Variants in RBFOX1 observed in about 807,000 individuals in gnomAD.
RBFOX1 encodes the protein RNA binding fox-1 homolog 1, also known as RNA binding protein fox-1 homolog 1.
RBFOX1 carries 8 observed loss-of-function variants against 57.7 expected under a neutral mutation model. The ratio of observed to expected loss-of-function variants is 0.14; its 90% CI spans 0.08 to 0.25. RBFOX1 has a LOEUF of 0.25. Among genes scored for constraint, RBFOX1 ranks in the 10% least tolerant of loss-of-function variants. The probability of loss-of-function intolerance (pLI) is 1.00; values close to 1 mark genes in which losing one functional copy is unlikely to be tolerated. For synonymous variants in RBFOX1, 326 were observed against 222.4 expected (o/e 1.47, Z -4.15); for missense variants, 611 against 548.5 (o/e 1.11, Z -1.14).
Position 6,019,986 on chromosome 16 carries a change from G to A in RBFOX1, c.-133G>A. 6.5e-7 allele frequency: 1 copy of A among 1,527,672 alleles called. No individual in the cohort carries two copies. Among genetic ancestry groups the A allele is most frequent in the Non-Finnish European group, 8.8e-7 (1 of 1,141,366 alleles). The allele number at this position is 1,527,672 out of a possible 1,614,324, so 94.6% of individuals were successfully genotyped here. A position where few individuals can be genotyped will look rare whatever the true frequency, so the allele number is the denominator to read the frequency against. ...GTGACCGCAGCCGGGCTCGCCGGGAGTTCTAGGTAAGTCCAGGCGGAGTCA... is the reference window on the plus strand; with the variant it reads ...GTGACCGCAGCCGGGCTCGCCGGGAATTCTAGGTAAGTCCAGGCGGAGTCA... On this transcript the variant is annotated 5_prime_UTR_variant, in exon 1 of 16. Coordinates refer to ENST00000550418, the MANE Select transcript of RBFOX1 (RefSeq NM_018723.4). The surrounding 1 kb of genome is among the most constrained non-coding windows in gnomAD (Gnocchi z 4.2).
chr16:6,979,980 C>T (rs2088239745), intron 3 of RBFOX1, among the ~76,000 whole-genome samples: 1 of 152,024 alleles, frequency 6.6e-6, no homozygotes, highest in African/African-American at 2.4e-5. Context: ...GGAGTGGGTA[C>T]CTTCTAACAC....
intron 4 of RBFOX1, among the ~76,000 whole-genome samples, chr16:7,052,303 A>G (rs958039518): frequency 1.3e-5 from 2 of 152,152 alleles, no homozygotes; most frequent in Non-Finnish European, 2.9e-5. Flanking sequence ...GTTATAGTAG[A>G]TATGGATTTT....
At chr16:7,298,350 A>G (rs1173838573) in intron 4 of RBFOX1, among the ~76,000 whole-genome samples, 1 of 140,142 alleles carries the variant, frequency 7.1e-6, no homozygotes, top group Non-Finnish European at 1.5e-5. Context: ...GTGCAGTAGC[A>G]TGATCTCAGC....
At chr16:6,497,979 T>TG (rs1182051772) in intron 2 of RBFOX1, among the ~76,000 whole-genome samples, 2 of 152,130 alleles carry the variant, frequency 1.3e-5, no homozygotes, top group Non-Finnish European at 2.9e-5. Context: ...CCAGGCACAG[T>TG]GGTTCATGCC....
intron 4 of RBFOX1, among the ~76,000 whole-genome samples, chr16:5,984,028 C>A (rs996098933): frequency 7.4e-6 from 1 of 135,966 alleles, no homozygotes; most frequent in Non-Finnish European, 1.6e-5. Context: ...CTTCCTTCTT[C>A]CTTCTTCTTC....
At chr16:7,502,111 G>A (rs2071104445) in intron 4 of RBFOX1, among the ~76,000 whole-genome samples, 1 of 150,540 alleles carries the variant, frequency 6.6e-6, no homozygotes, top group Admixed American at 6.6e-5. Context: ...TTTTTCAGCT[G>A]GCAAACTATG....
intron 1 of RBFOX1, among the ~76,000 whole-genome samples, chr16:5,437,533 G>T (rs10220990): frequency 0.021 from 3,207 of 152,200 alleles, 122 homozygotes; most frequent in African/African-American, 0.074. Context: ...AACCATAGAT[G>T]AATCTCTAAG....
intron 1 of RBFOX1, among the ~76,000 whole-genome samples, chr16:6,064,063 T>C (rs1304560927): frequency 6.6e-6 from 1 of 152,202 alleles, no homozygotes; most frequent in Non-Finnish European, 1.5e-5. Context: ...ATTGTACATA[T>C]TGTATGCGAG....
At chr16:7,228,572 G>A (rs867056220) in intron 4 of RBFOX1, among the ~76,000 whole-genome samples, 1 of 152,220 alleles carries the variant, frequency 6.6e-6, no homozygotes, top group Non-Finnish European at 1.5e-5. Context: ...GAAGGAATTT[G>A]TCCATGGCCA....
At chr16:6,074,571 G>A (rs917997609) in intron 1 of RBFOX1, among the ~76,000 whole-genome samples, 24 of 152,290 alleles carry the variant, frequency 1.6e-4, no homozygotes, top group African/African-American at 2.9e-4. Flanking sequence ...AGGGACTATC[G>A]TGATAGGTGA....
chr16:5,655,984 A>G (rs943034805), intron 3 of RBFOX1, among the ~76,000 whole-genome samples: 6 of 152,202 alleles, frequency 3.9e-5, no homozygotes, highest in South Asian at 2.1e-4. Context: ...GTTCACCACA[A>G]TGTCAGCCAC....
At chr16:6,938,707 G>A (rs540545573) in intron 3 of RBFOX1, among the ~76,000 whole-genome samples, 48 of 152,080 alleles carry the variant, frequency 3.2e-4, no homozygotes, top group Non-Finnish European at 5.9e-4. Context: ...GGCTGGTCTC[G>A]AATCACTTGA....
At chr16:7,409,137 C>A (rs543932353) in intron 4 of RBFOX1, among the ~76,000 whole-genome samples, 12 of 152,314 alleles carry the variant, frequency 7.9e-5, no homozygotes, top group Non-Finnish European at 1.3e-4. Flanking sequence ...CAGAATCCGG[C>A]CTGTGATCAG....
At chr16:7,466,171 A>G (rs1383093514) in intron 4 of RBFOX1, among the ~76,000 whole-genome samples, 1 of 152,208 alleles carries the variant, frequency 6.6e-6, no homozygotes, top group Non-Finnish European at 1.5e-5. Flanking sequence ...TCAACTGCCA[A>G]AAAGCTAGCA....
chr16:5,419,077 C>G (rs1299776355), intron 1 of RBFOX1, among the ~76,000 whole-genome samples: 1 of 152,204 alleles, frequency 6.6e-6, no homozygotes. Flanking sequence ...ACCAGCTTAC[C>G]TGAGCCCAGT....
chr16:6,588,115 C>G (rs1374405369), intron 2 of RBFOX1, among the ~76,000 whole-genome samples: 2 of 151,866 alleles, frequency 1.3e-5, no homozygotes, highest in East Asian at 3.9e-4. Flanking sequence ...CCTGTAATCC[C>G]AGCTACTCGG....
intron 1 of RBFOX1, among the ~76,000 whole-genome samples, chr16:5,318,162 T>C (rs1421270238): frequency 6.6e-6 from 1 of 152,176 alleles, no homozygotes; most frequent in African/African-American, 2.4e-5. Flanking sequence ...AGTGTCTCAC[T>C]GTGTCACCCA....
At chr16:6,631,782 G>A (rs1231778811) in intron 2 of RBFOX1, among the ~76,000 whole-genome samples, 1 of 152,122 alleles carries the variant, frequency 6.6e-6, no homozygotes, top group Non-Finnish European at 1.5e-5. Context: ...CAGCCACCGG[G>A]AGGCTCAGAG....
intron 5 of RBFOX1, among the ~76,000 whole-genome samples, chr16:7,571,628 G>A (rs2092785190): frequency 6.6e-6 from 1 of 152,128 alleles, no homozygotes; most frequent in African/African-American, 2.4e-5. Context: ...CTGCCGCACA[G>A]ATCCCGCCTC....
Sources: allele counts gnomAD v4.1 joint callset (sites outside exome capture counted in the v4.1 genomes callset), GRCh38; gene constraint gnomAD v4.1.1; non-coding constraint Gnocchi (gnomAD v3.1); transcripts MANE v1.5; gene names NCBI Gene and HGNC (gene_info 2026-07-23, HGNC 2026-07-21).